The following TM9SF4 variants were observed in gnomAD, a reference collection of about 807,000 sequenced individuals.
The protein encoded by TM9SF4 is dinucleotide oxidase disulfide thiol exchanger 3 superfamily member 4.
Under a neutral mutation model 90.4 loss-of-function variants are expected in TM9SF4, and 26 were observed. The ratio of observed to expected loss-of-function variants is 0.29; its 90% CI spans 0.21 to 0.40. The LOEUF (loss-of-function observed/expected upper bound fraction) is 0.40. Among genes scored for constraint, TM9SF4 ranks in the 10% least tolerant of loss-of-function variants. The pLI is 1.00. For missense variants in TM9SF4, 549 were observed against 834.8 expected, an observed-to-expected ratio of 0.66 and a Z score of 4.22; for synonymous variants, 293 against 315.4, an observed-to-expected ratio of 0.93 and a Z score of 0.75.
rs1340561103 is a variant in TM9SF4, at chr20:32,143,247, A to G, written c.652+142A>G. On this transcript the variant is annotated intron_variant, in intron 6 of 17. Transcript: ENST00000398022. ...GGCCCAGCCAAGGTAGGATCATGGT[A>G]TTCTCATTAGAGAAGACGGGGTGTG... is the stretch of plus-strand genomic sequence containing the variant. 8 of 1,086,056 alleles carry G rather than the reference A, an allele frequency of 7.4e-6. No individual in the cohort carries two copies. In the Admixed American group the frequency reaches 2.1e-4, roughly 29 times the overall value. The allele number at this position is 1,086,056 out of a possible 1,614,324, so 67.3% of individuals were successfully genotyped here. A position where few individuals can be genotyped will look rare whatever the true frequency, so the allele number is the denominator to read the frequency against.
chr20:32,117,519 C>G (rs927197284), intron 1 of TM9SF4, among the ~76,000 whole-genome samples: 1 of 152,156 alleles, frequency 6.6e-6, no homozygotes, highest in African/African-American at 2.4e-5. Flanking sequence ...GTTAATTGTT[C>G]ACACCTTTCA....
intron 7 of TM9SF4, 35 bp from the exon 8 acceptor site, chr20:32,145,277 A>C: frequency 6.2e-7 from 1 of 1,612,476 alleles, no homozygotes; most frequent in Non-Finnish European, 8.5e-7. Flanking sequence ...CTCCAGCAGG[A>C]TGCCTGACTC....
chr20:32,150,540 C>CCTGGGG (rs140449441), intron 10 of TM9SF4, 82 bp from the exon 11 acceptor site: 9 of 1,554,270 alleles, frequency 5.8e-6, no homozygotes, highest in South Asian at 2.2e-5. Context: ...CCAAGGTGGG[C>CCTGGGG]CTGGGGCTGG....
Position 32,146,772 on chromosome 20 carries a change from C to T in TM9SF4, c.884-13C>T. The T allele has an allele frequency of 6.2e-7, 1 of 1,613,910 alleles. No homozygotes were observed. Among genetic ancestry groups the T allele is most frequent in the Non-Finnish European group, 8.5e-7 (1 of 1,179,922 alleles). The stretch of plus-strand genomic sequence containing the variant: ...CGCCAACTTCTCCTCATCCTCACCG[C>T]CATCTATTTCAGGTATCCTGAGCAT... On this transcript the variant is annotated splice_polypyrimidine_tract_variant and intron_variant, in intron 8 of 17. Transcript: ENST00000398022.
intron 10 of TM9SF4, 104 bp from the exon 11 acceptor site, chr20:32,150,518 C>T: frequency 1.5e-6 from 2 of 1,357,640 alleles, no homozygotes; most frequent in South Asian, 1.2e-5. Context: ...CAGAGTCCTC[C>T]TGTCAGCCTG....
chr20:32,163,368 T>C (rs2047055451), intron 17 of TM9SF4, among the ~76,000 whole-genome samples: 1 of 150,084 alleles, frequency 6.7e-6, no homozygotes, highest in African/African-American at 2.5e-5. Context: ...TATCTTTTTT[T>C]GGCCTCAGTC....
intron 9 of TM9SF4, among the ~76,000 whole-genome samples, chr20:32,149,261 CTTTT>C (rs1220147782): frequency 1.3e-5 from 2 of 152,014 alleles, no homozygotes; most frequent in African/African-American, 4.8e-5. Context: ...ATTATTTTTA[CTTTT>C]TTTATTACAC....
At chr20:32,115,505 T>C (rs1209382438) in intron 1 of TM9SF4, among the ~76,000 whole-genome samples, 2 of 152,180 alleles carry the variant, frequency 1.3e-5, no homozygotes, top group East Asian at 1.9e-4. Flanking sequence ...GGGGCATGGA[T>C]GGGGACACCC....
At chr20:32,146,629 G>A (rs922396022) in intron 8 of TM9SF4, among the ~76,000 whole-genome samples, 156 bp from the exon 9 acceptor site, 2 of 152,012 alleles carry the variant, frequency 1.3e-5, no homozygotes, top group Non-Finnish European at 2.9e-5. Context: ...GAGCTCCCCC[G>A]AGAAGAGGCC....
chr20:32,160,522 G>C (rs563477384), intron 16 of TM9SF4, among the ~76,000 whole-genome samples: 25 of 152,190 alleles, frequency 1.6e-4, no homozygotes, highest in Non-Finnish European at 3.2e-4. Flanking sequence ...TCCTCCATGA[G>C]TAGCTCTGGG....
At position 32,110,649 on chromosome 20, in the gene TM9SF4, A is replaced by G. The variant is rs150898403; in HGVS notation, c.15+894A>G. Among the ~76,000 whole-genome samples the G allele has an allele frequency of 3.4e-3, 516 of 152,208 alleles. 1 individual carries two copies. Among genetic ancestry groups the G allele is most frequent in the African/African-American group, 0.012 (485 of 41,522 alleles). On this transcript the variant is annotated intron_variant, in intron 1 of 17. Coordinates refer to ENST00000398022, the MANE Select transcript of TM9SF4 (RefSeq NM_014742.4). The stretch of plus-strand genomic sequence containing the variant: ...TCACTGCTCTCCTTCCCATTCCCCA[A>G]CATGGCCACACAGCTCGTTAGGGAT...
At chr20:32,118,165 T>C (rs2046253870) in intron 1 of TM9SF4, among the ~76,000 whole-genome samples, 1 of 152,150 alleles carries the variant, frequency 6.6e-6, no homozygotes, top group Admixed American at 6.5e-5. Context: ...GAACTTCTAG[T>C]CCTTGATTCT....
chr20:32,157,331 GT>G (rs1158850986), intron 13 of TM9SF4, among the ~76,000 whole-genome samples: 2 of 152,120 alleles, frequency 1.3e-5, no homozygotes, highest in Admixed American at 6.5e-5. Context: ...ACTATGTTGT[GT>G]TTTTATTAAA....
intron 9 of TM9SF4, 37 bp from the exon 10 acceptor site, chr20:32,149,597 C>T: frequency 1.2e-6 from 2 of 1,614,144 alleles, no homozygotes; most frequent in Non-Finnish European, 1.7e-6. Context: ...CTGCCTCCAT[C>T]TTCAACAACC....
rs1555881215 is a variant in TM9SF4, at chr20:32,118,637, T to TTATG, written c.15+8885_15+8886insGTAT. Among the ~76,000 whole-genome samples, 70 of 138,164 alleles carry TTATG rather than the reference T, an allele frequency of 5.1e-4. No individual in the cohort carries two copies. The Middle Eastern group carries it at 0.011, about 22-fold the overall frequency. The allele number at this position is 138,164 out of a possible 152,430, so 90.6% of individuals were successfully genotyped here. On this transcript the variant is annotated intron_variant, in intron 1 of 17. Transcript: ENST00000398022. The stretch of plus-strand genomic sequence containing the variant: ...TTTATTTATTTATTTATTTATTTAT[T>TTATG]TATTTATTTTTATTTTGAGACAAGG...
At chr20:32,157,041 A>C (rs2046935853) in intron 13 of TM9SF4, among the ~76,000 whole-genome samples, 1 of 142,022 alleles carries the variant, frequency 7.0e-6, no homozygotes, top group Admixed American at 7.5e-5. Context: ...TCCACCTCCC[A>C]GGTTCAAATG....
chr20:32,123,677 C>A (rs370051644), intron 1 of TM9SF4, among the ~76,000 whole-genome samples: 1 of 149,730 alleles, frequency 6.7e-6, no homozygotes, highest in East Asian at 2.0e-4. Context: ...TTCTTTATAC[C>A]TTCTGGATTT....
At chr20:32,139,286 G>A (rs1022573184) in intron 3 of TM9SF4, among the ~76,000 whole-genome samples, 4 of 152,204 alleles carry the variant, frequency 2.6e-5, no homozygotes, top group African/African-American at 9.6e-5. Flanking sequence ...TGATATCTAA[G>A]TGCCCACTTG....
At chr20:32,109,913 C>T (rs2046115138) in intron 1 of TM9SF4, 158 bp downstream of exon 1, 21 of 1,465,090 alleles carry the variant, frequency 1.4e-5, no homozygotes, top group Non-Finnish European at 1.8e-5. Flanking sequence ...CCGAAATCCA[C>T]CTCCCTGGCC....
Sources: gnomAD v4.1 joint callset for allele counts (sites outside exome capture counted in the v4.1 genomes callset) on GRCh38, gnomAD v4.1.1 for gene constraint, MANE v1.5 for transcripts, NCBI Gene and HGNC (gene_info 2026-07-23, HGNC 2026-07-21) for gene names.